The following GOLGA7B variants were observed in gnomAD, a reference collection of about 807,000 sequenced individuals.
GOLGA7B encodes the protein golgin subfamily A member 7B.
GOLGA7B carries 17 observed loss-of-function variants against 21.5 expected under a neutral mutation model. The ratio of observed to expected loss-of-function variants is 0.79; its 90% CI spans 0.54 to 1.19. The LOEUF (loss-of-function observed/expected upper bound fraction) is 1.19, where lower values mean the gene tolerates loss of function less well. GOLGA7B is among the 50% of genes most tolerant of loss of function. The pLI, the probability that GOLGA7B is intolerant of heterozygous loss-of-function variation, is 0.00. For synonymous variants in GOLGA7B, 87 were observed against 84.0 expected (o/e 1.04, Z -0.19); for missense variants, 169 against 224.4 (o/e 0.75, Z 1.58).
Position 97,870,376 on chromosome 10 carries a change from C to T in GOLGA7B, c.*4676C>T, listed in dbSNP as rs56332746. ...AATGCATATGCACCATGTGATTCCC[C>T]TTATATGAAACTGAAAGACAGGCCA... is the stretch of plus-strand genomic sequence containing the variant. On this transcript the variant is annotated 3_prime_UTR_variant, in exon 5 of 5. Coordinates refer to ENST00000370602, the MANE Select transcript of GOLGA7B (RefSeq NM_001010917.3). The T allele has an allele frequency of 0.072, 11,004 of 152,146 alleles. 591 individuals are homozygous for T. Among genetic ancestry groups the T allele is most frequent in the African/African-American group, 0.14 (5,766 of 41,478 alleles). 9.4% of individuals were successfully genotyped at this position (152,146 alleles called of 1,614,324 possible). A position where few individuals can be genotyped will look rare whatever the true frequency, so the allele number is the denominator to read the frequency against.
At position 97,867,970 on chromosome 10, in the gene GOLGA7B, T is replaced by A. The variant is rs1027733848; in HGVS notation, c.*2270T>A. On this transcript the variant is annotated 3_prime_UTR_variant, in exon 5 of 5. Coordinates refer to ENST00000370602, the MANE Select transcript of GOLGA7B (RefSeq NM_001010917.3). Reference sequence around the variant, plus strand: ...CCTTGGGTGGGGGAACAGGTTGGACTGAAAGCGAGGCCAAAAGTAATCAAT... The same window carrying A: ...CCTTGGGTGGGGGAACAGGTTGGACAGAAAGCGAGGCCAAAAGTAATCAAT... 6.6e-6 allele frequency: 1 copy of A among 152,266 alleles called. No homozygotes were observed. The highest frequency in any genetic ancestry group is 2.1e-4 in the South Asian group (1 of 4,838). 9.4% of individuals were successfully genotyped at this position (152,266 alleles called of 1,614,324 possible). A position where few individuals can be genotyped will look rare whatever the true frequency, so the allele number is the denominator to read the frequency against.
At chr10:97,865,209 G>T in intron 4 of GOLGA7B, 1 of 234,716 alleles carries the variant, frequency 4.3e-6, no homozygotes, top group Non-Finnish European at 8.2e-6. Context: ...GTGAGTTCCT[G>T]AATCAGGATT....
chr10:97,871,233 T>C lies in GOLGA7B; in HGVS notation c.*5533T>C, dbSNP rs1429428176. The C allele has an allele frequency of 1.3e-5, 2 of 152,214 alleles. No homozygotes were observed. The highest frequency in any genetic ancestry group is 4.8e-5 in the African/African-American group (2 of 41,450). 9.4% of individuals were successfully genotyped at this position (152,214 alleles called of 1,614,324 possible). On this transcript the variant is annotated 3_prime_UTR_variant, in exon 5 of 5. Transcript: ENST00000370602. The stretch of plus-strand genomic sequence containing the variant: ...ATCTGCTGGACAGCAGAACTTCGCA[T>C]GCAGGATCCTGGAGCTGCGTCGGGT...
chr10:97,863,075 C>T (rs1380752986), intron 2 of GOLGA7B, among the ~76,000 whole-genome samples: 1 of 152,106 alleles, frequency 6.6e-6, no homozygotes, highest in Non-Finnish European at 1.5e-5. Context: ...ATTGTGGGAG[C>T]TCTTGATCAC....
chr10:97,865,823 TGGGA>T lies in GOLGA7B; in HGVS notation c.*131_*134del. 84 of 423,890 alleles carry T rather than the reference TGGGA, an allele frequency of 2.0e-4. No individual in the cohort carries two copies. Among genetic ancestry groups the T allele is most frequent in the East Asian group, 3.0e-4 (5 of 16,538 alleles). The allele number at this position is 423,890 out of a possible 1,614,324, so 26.3% of individuals were successfully genotyped here. Reference sequence around the variant, plus strand: ...TTTGGGCTCACCCTGCTGCCCGGGGTGGGAGGGAGGGTGACGGGCCTCATATTTC... The same window carrying T: ...TTTGGGCTCACCCTGCTGCCCGGGGTGGGAGGGTGACGGGCCTCATATTTC... On this transcript the variant is annotated 3_prime_UTR_variant, in exon 5 of 5. Coordinates refer to ENST00000370602, the MANE Select transcript of GOLGA7B (RefSeq NM_001010917.3).
chr10:97,859,341 G>T, intron 1 of GOLGA7B, 117 bp from the exon 2 acceptor site: 1 of 1,033,118 alleles, frequency 9.7e-7, no homozygotes, highest in Non-Finnish European at 1.4e-6. Context: ...GTCTCTGCAT[G>T]CTGGGAACTT....
At chr10:97,861,295 C>T (rs1219034159) in intron 2 of GOLGA7B, among the ~76,000 whole-genome samples, 1 of 152,204 alleles carries the variant, frequency 6.6e-6, no homozygotes, top group African/African-American at 2.4e-5. Flanking sequence ...TCACAGGACT[C>T]TTATTTTCTT....
intron 4 of GOLGA7B, 116 bp from the exon 5 acceptor site, chr10:97,865,474 T>C (rs1041266564): frequency 9.1e-6 from 14 of 1,537,284 alleles, no homozygotes; most frequent in Non-Finnish European, 1.2e-5. Flanking sequence ...ATCCCTACTG[T>C]CTAGGCAGCA....
intron 1 of GOLGA7B, among the ~76,000 whole-genome samples, chr10:97,857,257 G>A (rs2049940817): frequency 6.6e-6 from 1 of 151,790 alleles, no homozygotes; most frequent in Non-Finnish European, 1.5e-5. Flanking sequence ...TTTGTATATG[G>A]TGAGAACTAG....
chr10:97,851,404 T>C (rs2136511566), intron 1 of GOLGA7B, among the ~76,000 whole-genome samples: 1 of 152,282 alleles, frequency 6.6e-6, no homozygotes, highest in South Asian at 2.1e-4. Flanking sequence ...CCACTCAAGT[T>C]TCCACCACAG....
intron 1 of GOLGA7B, among the ~76,000 whole-genome samples, chr10:97,857,277 T>C (rs114722070): frequency 0.019 from 2,830 of 152,004 alleles, 95 homozygotes; most frequent in African/African-American, 0.063. Context: ...GGGGTCCAGT[T>C]TATTCTTTTG....
intron 4 of GOLGA7B, 109 bp from the exon 5 acceptor site, chr10:97,865,481 A>T: frequency 2.5e-5 from 38 of 1,545,782 alleles, no homozygotes; most frequent in Non-Finnish European, 3.3e-5. Flanking sequence ...CTGTCTAGGC[A>T]GCAGCACAAG....
intron 1 of GOLGA7B, among the ~76,000 whole-genome samples, chr10:97,851,038 C>T (rs1438277578): frequency 6.6e-6 from 1 of 152,082 alleles, no homozygotes; most frequent in Non-Finnish European, 1.5e-5. Flanking sequence ...GGATTCCCCC[C>T]TCTACCCCTA....
At chr10:97,851,981 C>A (rs1442623793) in intron 1 of GOLGA7B, among the ~76,000 whole-genome samples, 1 of 152,260 alleles carries the variant, frequency 6.6e-6, no homozygotes, top group Non-Finnish European at 1.5e-5. Flanking sequence ...AGCCTCAGAG[C>A]AGCCCTATGA....
In GOLGA7B at chr10:97,865,902, G is replaced by A. The variant is rs1420909095; in HGVS notation, c.*202G>A. On this transcript the variant is annotated 3_prime_UTR_variant, in exon 5 of 5. Transcript: ENST00000370602. ...CTGTCCCTCACCCCCGTCTGGATCAGTCCATTTCCTGACCTGGGGGCTTTT... is the reference window on the plus strand; with the variant it reads ...CTGTCCCTCACCCCCGTCTGGATCAATCCATTTCCTGACCTGGGGGCTTTT... The A allele has an allele frequency of 4.8e-6, 4 of 837,068 alleles. No homozygotes were observed. In the Admixed American group the frequency reaches 9.3e-5, roughly 20 times the overall value. 51.9% of individuals were successfully genotyped at this position (837,068 alleles called of 1,614,324 possible).
chr10:97,850,667 G>A (rs576752295), intron 1 of GOLGA7B, among the ~76,000 whole-genome samples: 1 of 152,294 alleles, frequency 6.6e-6, no homozygotes, highest in East Asian at 1.9e-4. Context: ...GTGAGGGGAG[G>A]GAAGGCGGCT....
intron 1 of GOLGA7B, among the ~76,000 whole-genome samples, chr10:97,857,998 C>T (rs1394058682): frequency 6.6e-6 from 1 of 152,174 alleles, no homozygotes; most frequent in Non-Finnish European, 1.5e-5. Context: ...TCTCATCTCC[C>T]ACTGTTTCTT....
chr10:97,850,433 A>G (rs2049898115), intron 1 of GOLGA7B, 118 bp downstream of exon 1: 1 of 865,810 alleles, frequency 1.2e-6, no homozygotes. Flanking sequence ...GTGATTCCCC[A>G]GGTCAGGTCT....
chr10:97,850,412 G>C, intron 1 of GOLGA7B, 97 bp downstream of exon 1: 1 of 1,044,896 alleles, frequency 9.6e-7, no homozygotes. Flanking sequence ...GGGAGTTGGG[G>C]GTGGGATGGG....
Sources: allele counts gnomAD v4.1 joint callset (sites outside exome capture counted in the v4.1 genomes callset), GRCh38; gene constraint gnomAD v4.1.1; transcripts MANE v1.5; gene names NCBI Gene and HGNC (gene_info 2026-07-23, HGNC 2026-07-21).